The following METAP1 variants were observed in gnomAD, a reference collection of about 807,000 sequenced individuals.
The protein encoded by METAP1 is methionyl aminopeptidase 1.
In METAP1, 28 loss-of-function variants were observed where a neutral mutation model predicts 53.8. The observed-to-expected ratio is 0.52, with a 90% CI of 0.39 to 0.71. METAP1 has a LOEUF of 0.71. Among genes scored for constraint, METAP1 ranks in the 30% least tolerant of loss-of-function variants. METAP1 has a pLI of 0.00. For synonymous variants in METAP1, 181 were observed against 165.7 expected (o/e 1.09, Z -0.71); for missense variants, 389 against 479.8 (o/e 0.81, Z 1.77).
rs1560741315 is a variant in METAP1 at position 99,057,833 on chromosome 4, T to C, written c.997+15T>C. On this transcript the variant is annotated intron_variant, in intron 10 of 10. Transcript: ENST00000296411. Reference sequence around the variant, plus strand: ...GATTTGTGAAGGTGAGAAAAAAGGATGCCATGATATTTTTCAATTGAATTT... The same window carrying C: ...GATTTGTGAAGGTGAGAAAAAAGGACGCCATGATATTTTTCAATTGAATTT... The C allele has an allele frequency of 4.4e-6, 7 of 1,574,844 alleles. No homozygotes were observed. Among genetic ancestry groups the C allele is most frequent in the Non-Finnish European group, 6.0e-6 (7 of 1,157,698 alleles).
rs774974347 is a variant in METAP1, at chr4:99,050,186, A to C, written c.931+1310A>C. Reference sequence around the variant, plus strand: ...TGGTGGGTGAACATGGGTGCTTCAAATAGAGAAAAACAGAGAAAATATAAG... The same window carrying C: ...TGGTGGGTGAACATGGGTGCTTCAACTAGAGAAAAACAGAGAAAATATAAG... On this transcript the variant is annotated intron_variant, in intron 9 of 10. Coordinates refer to ENST00000296411, the MANE Select transcript of METAP1 (RefSeq NM_015143.3). Among the ~76,000 whole-genome samples, 53 of 152,166 alleles carry C rather than the reference A, an allele frequency of 3.5e-4. 1 individual carries two copies. Among genetic ancestry groups the C allele is most frequent in the Non-Finnish European group, 8.8e-5 (6 of 68,040 alleles).
At chr4:99,010,738 A>G (rs1334979647) in intron 1 of METAP1, among the ~76,000 whole-genome samples, 2 of 152,194 alleles carry the variant, frequency 1.3e-5, no homozygotes, top group African/African-American at 2.4e-5. Context: ...GATTGCATTG[A>G]ATCTGTAAAC....
At chr4:99,004,478 C>G (rs1319765816) in intron 1 of METAP1, among the ~76,000 whole-genome samples, 42 of 20,012 alleles carry the variant, frequency 2.1e-3, no homozygotes, top group Admixed American at 0.021. Flanking sequence ...CACACACACA[C>G]ACACATACAC....
intron 1 of METAP1, among the ~76,000 whole-genome samples, chr4:99,020,516 A>C (rs967381198): frequency 5.3e-5 from 8 of 152,000 alleles, no homozygotes; most frequent in Admixed American, 3.9e-4. Flanking sequence ...CTACCACCTG[A>C]GGAGGAGGTG....
In METAP1 at chr4:99,000,126, G is replaced by A. The variant is rs926416289; in HGVS notation, c.114+4259G>A. ...AAATTCTGTATTTACATTATCCTTT[G>A]TAAACACTGAATAGTATAGTATATT... is the stretch of plus-strand genomic sequence containing the variant. On this transcript the variant is annotated intron_variant, in intron 1 of 10. Coordinates refer to ENST00000296411, the MANE Select transcript of METAP1 (RefSeq NM_015143.3). Among the ~76,000 whole-genome samples, 39 of 152,202 alleles carry A rather than the reference G, an allele frequency of 2.6e-4. 1 individual carries two copies. Among genetic ancestry groups the A allele is most frequent in the African/African-American group, 8.9e-4 (37 of 41,546 alleles).
At chr4:99,041,365 T>C (rs999181204) in intron 6 of METAP1, among the ~76,000 whole-genome samples, 5 of 152,170 alleles carry the variant, frequency 3.3e-5, no homozygotes, top group African/African-American at 1.2e-4. Context: ...TGAAACAACA[T>C]ATTTGTAATA....
chr4:99,011,716 G>T (rs569670176), intron 1 of METAP1, among the ~76,000 whole-genome samples: 1 of 152,160 alleles, frequency 6.6e-6, no homozygotes, highest in South Asian at 2.1e-4. Flanking sequence ...TGAGGCAGGC[G>T]GATCACCTGA....
intron 8 of METAP1, among the ~76,000 whole-genome samples, chr4:99,046,953 A>AAAG (rs1726305391): frequency 2.7e-5 from 4 of 149,034 alleles, no homozygotes; most frequent in African/African-American, 1.0e-4. Flanking sequence ...AAAAAAAAAA[A>AAAG]AAAAAGAAAA....
chr4:99,033,129 A>G (rs1254112696), intron 2 of METAP1, among the ~76,000 whole-genome samples: 2 of 152,082 alleles, frequency 1.3e-5, no homozygotes, highest in African/African-American at 4.8e-5. Context: ...CTGTTTCCTC[A>G]TATGTACAAT....
chr4:99,044,652 T>C (rs1226361878), intron 7 of METAP1, among the ~76,000 whole-genome samples: 2 of 151,730 alleles, frequency 1.3e-5, no homozygotes, highest in Non-Finnish European at 2.9e-5. Flanking sequence ...GTATATAATA[T>C]ATAGTATAAT....
intron 1 of METAP1, among the ~76,000 whole-genome samples, chr4:99,015,925 C>T (rs1723735756): frequency 6.6e-6 from 1 of 152,156 alleles, no homozygotes; most frequent in African/African-American, 2.4e-5. Flanking sequence ...GGACCACAAT[C>T]CAGGATTCTG....
chr4:99,022,658 T>C, intron 1 of METAP1: 1 of 1,129,912 alleles, frequency 8.9e-7, no homozygotes. Flanking sequence ...AAAGGCAAGG[T>C]GCTCGCTGTG....
intron 1 of METAP1, chr4:99,026,400 A>C (rs1350836324): frequency 3.0e-6 from 3 of 985,244 alleles, no homozygotes; most frequent in Non-Finnish European, 3.6e-6. Flanking sequence ...GTGTGGAGTG[A>C]AGTGTGGACA....
At chr4:98,997,203 G>A (rs554484016) in intron 1 of METAP1, among the ~76,000 whole-genome samples, 1 of 152,194 alleles carries the variant, frequency 6.6e-6, no homozygotes, top group African/African-American at 2.4e-5. Context: ...ACATAAAAAC[G>A]TAAAGATATA....
intron 3 of METAP1, 99 bp from the exon 4 acceptor site, chr4:99,035,301 G>A: frequency 2.6e-6 from 2 of 772,320 alleles, no homozygotes; most frequent in Non-Finnish European, 4.4e-6. Flanking sequence ...TATTTAAGAT[G>A]CCATTTAAAA....
At chr4:99,060,863 A>G (rs1257890775) in intron 10 of METAP1, among the ~76,000 whole-genome samples, 1 of 151,906 alleles carries the variant, frequency 6.6e-6, no homozygotes, top group Admixed American at 6.6e-5. Context: ...TTGTTACTCA[A>G]AGTTGTGGTG....
chr4:99,058,109 C>G (rs1267604582), intron 10 of METAP1, among the ~76,000 whole-genome samples: 1 of 152,136 alleles, frequency 6.6e-6, no homozygotes, highest in Non-Finnish European at 1.5e-5. Context: ...GTGCCCAGGT[C>G]AAGTCTGTGC....
chr4:99,023,699 A>T, intron 1 of METAP1: 2 of 985,372 alleles, frequency 2.0e-6, no homozygotes, highest in African/African-American at 1.7e-5. Flanking sequence ...AGATGGGGAG[A>T]TATGTTGTGA....
Position 99,043,292 on chromosome 4 carries a change from A to T in METAP1, c.560A>T (p.Tyr187Phe), listed in dbSNP as rs747917101. The T allele has an allele frequency of 6.2e-7, 1 of 1,605,332 alleles. No individual in the cohort carries two copies. The highest frequency in any genetic ancestry group is 1.7e-5 in the Admixed American group (1 of 59,610). The change falls in exon 7 of 11, where the codon TAT becomes TTT. Residue 187 changes from tyrosine (Y) to phenylalanine (F), a missense_variant. Physicochemically the swap from Tyr to Phe is conservative, Grantham distance 22. Transcript: ENST00000296411. ...RNCYPSPLNYYNFPKSCCTSV... is the reference protein window; with the variant it reads ...RNCYPSPLNYFNFPKSCCTSV... ...TGCTACCCTTCTCCCCTGAATTATT[A>T]TAATTTCCCAAAGTCTTGTTGTACC...
Sources: allele counts gnomAD v4.1 joint callset (sites outside exome capture counted in the v4.1 genomes callset), GRCh38; gene constraint gnomAD v4.1.1; transcripts MANE v1.5; gene names NCBI Gene and HGNC (gene_info 2026-07-23, HGNC 2026-07-21).